Variants in SEC22C observed in about 807,000 individuals in gnomAD.
SEC22C encodes vesicle-trafficking protein SEC22c.
A neutral mutation model predicts 34.7 loss-of-function variants in SEC22C; 29 were observed. The observed-to-expected ratio is 0.84, with a 90% CI of 0.62 to 1.14. SEC22C has a LOEUF of 1.14. Among genes scored for constraint, SEC22C ranks in the 50% most tolerant of loss-of-function variants. The pLI is 0.00. For missense variants in SEC22C, 337 were observed against 369.0 expected (o/e 0.91, Z 0.71); for synonymous variants, 117 against 132.8 (o/e 0.88, Z 0.82).
chr3:42,566,630 G>A (rs1703262796), intron 2 of SEC22C: 2 of 160,986 alleles, frequency 1.2e-5, no homozygotes, highest in African/African-American at 2.4e-5. Context: ...AGTGAGCCGA[G>A]ATCGTGCCAC....
Position 42,552,238 on chromosome 3 carries a change from A to C in SEC22C, c.*1010T>G. ...AAAAATGAGGCCCTCAAGCTAATTA[A>C]GATGACTGGGAAAGGTGCAGAGGAG... On this transcript the variant is annotated 3_prime_UTR_variant, in exon 7 of 7. Coordinates refer to ENST00000264454, the MANE Select transcript of SEC22C (RefSeq NM_032970.4). The C allele has an allele frequency of 1.0e-6, 1 of 985,466 alleles. No individual in the cohort carries two copies. The highest frequency in any genetic ancestry group is 4.7e-5 in the South Asian group (1 of 21,282). 61.0% of individuals were successfully genotyped at this position (985,466 alleles called of 1,614,324 possible).
Position 42,549,715 on chromosome 3 carries a change from G to A in SEC22C, c.*3533C>T. The A allele has an allele frequency of 1.0e-6, 1 of 985,506 alleles. No individual in the cohort carries two copies. The highest frequency in any genetic ancestry group is 1.2e-6 in the Non-Finnish European group (1 of 829,958). The allele number at this position is 985,506 out of a possible 1,614,324, so 61.0% of individuals were successfully genotyped here. A position where few individuals can be genotyped will look rare whatever the true frequency, so the allele number is the denominator to read the frequency against. Reference sequence around the variant, plus strand: ...TCCAGAGACTCCAGTTTCAGACTCTGTCTCCAGAGCTGGAATGTATAGGGC... The same window carrying A: ...TCCAGAGACTCCAGTTTCAGACTCTATCTCCAGAGCTGGAATGTATAGGGC... On this transcript the variant is annotated 3_prime_UTR_variant, in exon 7 of 7. Transcript: ENST00000264454.
chr3:42,592,358 C>A (rs1226829650), intron 1 of SEC22C, among the ~76,000 whole-genome samples: 1 of 152,052 alleles, frequency 6.6e-6, no homozygotes, highest in Non-Finnish European at 1.5e-5. Context: ...TGCCACCACG[C>A]CCTGCTAATT....
intron 4 of SEC22C, among the ~76,000 whole-genome samples, chr3:42,560,134 ATAT>A (rs1559514971): frequency 7.6e-5 from 11 of 145,426 alleles, no homozygotes; most frequent in Admixed American, 2.8e-4. Context: ...ATATATATAT[ATAT>A]AAATAATAAT....
rs73831042 is a variant in SEC22C at position 42,571,171 on chromosome 3, G to A, written c.-27-2098C>T. Reference sequence around the variant, plus strand: ...TTAAGCCAATAAAAAAGAAAAGGGTGACATTTCCAAGCGATGGTAATCAGA... The same window carrying A: ...TTAAGCCAATAAAAAAGAAAAGGGTAACATTTCCAAGCGATGGTAATCAGA... On this transcript the variant is annotated intron_variant, in intron 1 of 6. Transcript: ENST00000264454. Among the ~76,000 whole-genome samples the A allele has an allele frequency of 3.0e-3, 457 of 152,226 alleles. 3 individuals are homozygous for A. The highest frequency in any genetic ancestry group is 0.011 in the African/African-American group (449 of 41,530).
At chr3:42,560,981 G>T in intron 4 of SEC22C, 136 bp downstream of exon 4, 1 of 800,818 alleles carries the variant, frequency 1.2e-6, no homozygotes, top group Non-Finnish European at 1.9e-6. Context: ...AAACAGGATG[G>T]GCCCATATTT....
Position 42,552,023 on chromosome 3 carries a change from C to T in SEC22C, c.*1225G>A. 2.0e-6 allele frequency: 2 copies of T among 985,422 alleles called. No homozygotes were observed. The highest frequency in any genetic ancestry group is 2.4e-6 in the Non-Finnish European group (2 of 829,936). The allele number at this position is 985,422 out of a possible 1,614,324, so 61.0% of individuals were successfully genotyped here. Reference sequence around the variant, plus strand: ...CCAAAGAGCAAACTCCCAAAATGACCTCCTGCGTGGTACAAAACAAGCCAG... The same window carrying T: ...CCAAAGAGCAAACTCCCAAAATGACTTCCTGCGTGGTACAAAACAAGCCAG... On this transcript the variant is annotated 3_prime_UTR_variant, in exon 7 of 7. Coordinates refer to ENST00000264454, the MANE Select transcript of SEC22C (RefSeq NM_032970.4).
Position 42,548,905 on chromosome 3 carries a change from C to G in SEC22C, c.*4343G>C. 2 of 1,321,846 alleles carry G rather than the reference C, an allele frequency of 1.5e-6. No individual in the cohort carries two copies. The highest frequency in any genetic ancestry group is 1.9e-6 in the Non-Finnish European group (2 of 1,032,130). The allele number at this position is 1,321,846 out of a possible 1,614,324, so 81.9% of individuals were successfully genotyped here. A position where few individuals can be genotyped will look rare whatever the true frequency, so the allele number is the denominator to read the frequency against. On this transcript the variant is annotated 3_prime_UTR_variant, in exon 7 of 7. Coordinates refer to ENST00000264454, the MANE Select transcript of SEC22C (RefSeq NM_032970.4). Reference sequence around the variant, plus strand: ...CTCCTCCCACACACAATGGACTCACCCAGTATTACCCTCCACTACCACTTT... The same window carrying G: ...CTCCTCCCACACACAATGGACTCACGCAGTATTACCCTCCACTACCACTTT...
chr3:42,554,767 T>C (rs1702424483), intron 6 of SEC22C, among the ~76,000 whole-genome samples: 1 of 152,224 alleles, frequency 6.6e-6, no homozygotes, highest in Non-Finnish European at 1.5e-5. Context: ...GCTAAAATCC[T>C]AGTCCATACG....
intron 1 of SEC22C, among the ~76,000 whole-genome samples, chr3:42,595,573 T>C (rs1705004850): frequency 6.6e-6 from 1 of 152,232 alleles, no homozygotes; most frequent in African/African-American, 2.4e-5. Flanking sequence ...AGCTTTGATG[T>C]GGTAATTCAT....
upstream of SEC22C, among the ~76,000 whole-genome samples, chr3:42,582,781 T>C (rs1704466011): frequency 6.6e-6 from 1 of 152,084 alleles, no homozygotes; most frequent in African/African-American, 2.4e-5. Context: ...AGGAAGTGTG[T>C]TTCAGATGGA....
intron 1 of SEC22C, chr3:42,591,495 C>T: frequency 6.4e-7 from 1 of 1,572,222 alleles, no homozygotes. Flanking sequence ...GCCCGGCCTG[C>T]ACTGACCCTT....
At chr3:42,589,900 C>T (rs1041287155) in intron 1 of SEC22C, among the ~76,000 whole-genome samples, 2 of 152,194 alleles carry the variant, frequency 1.3e-5, no homozygotes, top group African/African-American at 4.8e-5. Flanking sequence ...AAGGTATGTC[C>T]AGCTTCCTCC....
chr3:42,600,931 CT>C, intron 1 of SEC22C: 2 of 1,192,972 alleles, frequency 1.7e-6, no homozygotes, highest in Admixed American at 3.0e-5. Flanking sequence ...CGCCCCTGCC[CT>C]CGCCCCCGCC....
chr3:42,557,551 C>G, intron 5 of SEC22C, 27 bp downstream of exon 5: 1 of 1,091,340 alleles, frequency 9.2e-7, no homozygotes, highest in Non-Finnish European at 1.3e-6. Flanking sequence ...TCAATTTAAA[C>G]TGTTTTAAAA....
rs750873341 is a variant in SEC22C, at chr3:42,561,233, C to T, written c.410G>A (p.Ser137Asn). 1.2e-6 allele frequency: 2 copies of T among 1,614,202 alleles called. No homozygotes were observed. The highest frequency in any genetic ancestry group is 2.7e-5 in the African/African-American group (2 of 75,040). The change falls in exon 4 of 7, where the codon AGC becomes AAC. Residue 137 changes from serine (S) to asparagine (N), a missense_variant. Physicochemically the swap from Ser to Asn is conservative, Grantham distance 46 (BLOSUM62 1). Coordinates refer to ENST00000264454, the MANE Select transcript of SEC22C (RefSeq NM_032970.4). ...GAGCTCCTCCTGAATTTTTTCCAAG[C>T]TGCACTCCATCTGAGAGGAACTTAC... Reference protein sequence around the residue: ...NYVSSSQMECSLEKIQEELKL... With the variant: ...NYVSSSQMECNLEKIQEELKL...
intron 2 of SEC22C, 83 bp downstream of exon 2, chr3:42,568,782 A>C (rs1407431352): frequency 1.8e-6 from 2 of 1,126,870 alleles, no homozygotes; most frequent in African/African-American, 3.1e-5. Context: ...ACACAATGTG[A>C]TCAGCATAAG....
At chr3:42,564,149 A>G (rs952314932) in intron 2 of SEC22C, 5 of 329,674 alleles carry the variant, frequency 1.5e-5, no homozygotes, top group African/African-American at 1.1e-4. Flanking sequence ...TTTTGTGTCT[A>G]TGCAAATAAG....
At chr3:42,572,623 T>C (rs181290018) in intron 1 of SEC22C, among the ~76,000 whole-genome samples, 3 of 152,296 alleles carry the variant, frequency 2.0e-5, no homozygotes, top group East Asian at 3.9e-4. Context: ...TCTACTTCCA[T>C]TGGGCAGTAA....
Sources: gnomAD v4.1 joint callset for allele counts (sites outside exome capture counted in the v4.1 genomes callset) on GRCh38, gnomAD v4.1.1 for gene constraint, MANE v1.5 for transcripts, NCBI Gene and HGNC (gene_info 2026-07-23, HGNC 2026-07-21) for gene names.